The following PCDH15 variants were observed in gnomAD, a reference collection of about 807,000 sequenced individuals.
PCDH15 encodes protocadherin related 15, also known as protocadherin-15.
A neutral mutation model predicts 178.5 loss-of-function variants in PCDH15; 129 were observed. The ratio of observed to expected loss-of-function variants is 0.72; its 90% CI spans 0.63 to 0.84. PCDH15 has a LOEUF of 0.84. Ranked by LOEUF, PCDH15 falls within the 40% of genes least tolerant of loss-of-function variation. PCDH15 has a pLI of 0.00. For missense variants in PCDH15, 2,230 were observed against 2,099.9 expected, an observed-to-expected ratio of 1.06 and a Z score of -1.21; for synonymous variants, 800 against 732.0, an observed-to-expected ratio of 1.09 and a Z score of -1.50.
intron 3 of PCDH15, among the ~76,000 whole-genome samples, chr10:54,866,019 AT>A (rs1223348159): frequency 3.9e-5 from 6 of 152,182 alleles, no homozygotes; most frequent in African/African-American, 1.4e-4. Flanking sequence ...TATGATCAAG[AT>A]TTTTGTGAGG....
chr10:54,574,149 A>G (rs2090190086), intron 2 of PCDH15, among the ~76,000 whole-genome samples: 1 of 151,178 alleles, frequency 6.6e-6, no homozygotes. Context: ...TAGGGTTTTT[A>G]TGGTTTTAGG....
At chr10:55,518,990 A>G (rs1841087479) in intron 2 of PCDH15, among the ~76,000 whole-genome samples, 1 of 148,668 alleles carries the variant, frequency 6.7e-6, no homozygotes, top group African/African-American at 2.5e-5. Flanking sequence ...GCTACTCAGG[A>G]GCCTGAGGCA....
chr10:54,418,655 C>A (rs1954797848), intron 3 of PCDH15, among the ~76,000 whole-genome samples: 1 of 151,698 alleles, frequency 6.6e-6, no homozygotes, highest in Admixed American at 6.6e-5. Context: ...GTCAAAAAAT[C>A]TAACTGTACT....
chr10:53,972,593 G>GA (rs1353469603), intron 21 of PCDH15, among the ~76,000 whole-genome samples: 11 of 152,172 alleles, frequency 7.2e-5, no homozygotes, highest in South Asian at 2.1e-4. Context: ...AGATTTACAA[G>GA]AAAAAATCAA....
At chr10:54,122,407 C>T (rs1238697485) in intron 15 of PCDH15, among the ~76,000 whole-genome samples, 2 of 152,044 alleles carry the variant, frequency 1.3e-5, no homozygotes, top group Non-Finnish European at 2.9e-5. Flanking sequence ...CCATAGCCAG[C>T]ATCATATTGA....
At chr10:54,523,331 T>G (rs2083070406) in intron 3 of PCDH15, among the ~76,000 whole-genome samples, 1 of 152,160 alleles carries the variant, frequency 6.6e-6, no homozygotes, top group Non-Finnish European at 1.5e-5. Context: ...GTAGTGTACT[T>G]TAACAGTGCG....
intron 2 of PCDH15, among the ~76,000 whole-genome samples, chr10:55,111,793 A>C (rs1591911796): frequency 6.6e-6 from 1 of 152,324 alleles, no homozygotes; most frequent in Middle Eastern, 3.4e-3. Context: ...CAGTGAGCCG[A>C]GATCATGCCA....
At chr10:54,571,426 A>AT (rs2089828325) in intron 2 of PCDH15, among the ~76,000 whole-genome samples, 1 of 151,824 alleles carries the variant, frequency 6.6e-6, no homozygotes, top group South Asian at 2.1e-4. Context: ...TCTGTTCAGT[A>AT]TTTCAGTATC....
At chr10:55,326,625 T>G (rs185923646) in intron 2 of PCDH15, among the ~76,000 whole-genome samples, 2 of 152,102 alleles carry the variant, frequency 1.3e-5, no homozygotes, top group East Asian at 1.9e-4. Context: ...TTTTAAAAAA[T>G]TAAGTAGTTA....
At chr10:53,872,300 C>T (rs2079926565) in intron 26 of PCDH15, among the ~76,000 whole-genome samples, 1 of 152,148 alleles carries the variant, frequency 6.6e-6, no homozygotes, top group South Asian at 2.1e-4. Context: ...ACACTTTAGT[C>T]TTTTGCCTTA....
chr10:54,733,803 T>C (rs1943716283), intron 1 of PCDH15, among the ~76,000 whole-genome samples: 2 of 150,926 alleles, frequency 1.3e-5, no homozygotes, highest in Admixed American at 6.7e-5. Flanking sequence ...ACACAAATGT[T>C]TATTTTCTGA....
Position 54,071,697 on chromosome 10 carries a change from T to C in PCDH15, c.2092-4812A>G, listed in dbSNP as rs1486431207. Among the ~76,000 whole-genome samples the C allele has an allele frequency of 2.0e-5, 3 of 152,076 alleles. No homozygotes were observed. The East Asian group carries it at 5.8e-4, about 29-fold the overall frequency. On this transcript the variant is annotated intron_variant, in intron 17 of 37. Coordinates refer to ENST00000644397, the MANE Select transcript of PCDH15 (RefSeq NM_001384140.1). ...TCTGAGCAGAGACTCATGGTATGTATAGGAATCAGTCAGGAATATTTCAAT... is the reference window on the plus strand; with the variant it reads ...TCTGAGCAGAGACTCATGGTATGTACAGGAATCAGTCAGGAATATTTCAAT...
chr10:54,887,438 C>T (rs906894554), intron 3 of PCDH15, among the ~76,000 whole-genome samples: 2 of 151,940 alleles, frequency 1.3e-5, no homozygotes, highest in South Asian at 2.1e-4. Context: ...GATTATATCC[C>T]GTTCTCACCC....
chr10:54,212,296 T>C (rs921669349), intron 10 of PCDH15, among the ~76,000 whole-genome samples: 7 of 152,116 alleles, frequency 4.6e-5, no homozygotes, highest in Non-Finnish European at 8.8e-5. Flanking sequence ...CATGGCCATT[T>C]AATACAACTG....
intron 29 of PCDH15, among the ~76,000 whole-genome samples, chr10:53,833,046 T>G (rs754511912): frequency 6.6e-6 from 1 of 152,150 alleles, no homozygotes; most frequent in South Asian, 2.1e-4. Context: ...ATTTTTATGA[T>G]TACTAGAAAT....
At chr10:55,312,950 T>A (rs1170864693) in intron 1 of PCDH15, among the ~76,000 whole-genome samples, 1 of 152,166 alleles carries the variant, frequency 6.6e-6, no homozygotes, top group Non-Finnish European at 1.5e-5. Context: ...CATATTATGG[T>A]ATGCTGATGC....
chr10:54,331,159 T>G (rs1258824455), intron 6 of PCDH15, among the ~76,000 whole-genome samples: 1 of 68,968 alleles, frequency 1.4e-5, no homozygotes, highest in East Asian at 2.1e-4. Context: ...GAAGTTAAAC[T>G]CAATGAAAAA....
intron 28 of PCDH15, 92 bp downstream of exon 28, chr10:53,857,083 T>A: frequency 1.1e-6 from 1 of 924,504 alleles, no homozygotes; most frequent in East Asian, 2.7e-5. Flanking sequence ...CACCTGCACA[T>A]GTATCCCCTG....
chr10:54,344,551 A>G (rs1183405594), intron 6 of PCDH15, among the ~76,000 whole-genome samples: 1 of 152,182 alleles, frequency 6.6e-6, no homozygotes, highest in Non-Finnish European at 1.5e-5. Flanking sequence ...TGGACTAGTC[A>G]TTTGATACTT....
Sources: gnomAD v4.1 joint callset for allele counts (sites outside exome capture counted in the v4.1 genomes callset) on GRCh38, gnomAD v4.1.1 for gene constraint, MANE v1.5 for transcripts, NCBI Gene and HGNC (gene_info 2026-07-23, HGNC 2026-07-21) for gene names.